RNGTT: variants seen among roughly 807,000 people sequenced by gnomAD.
RNGTT encodes the protein RNA guanylyltransferase and 5'-phosphatase.
RNGTT carries 33 observed loss-of-function variants against 79.3 expected under a neutral mutation model. That is an observed-to-expected ratio of 0.42 (90% CI 0.32 to 0.56). The LOEUF (loss-of-function observed/expected upper bound fraction) is 0.56. Among genes scored for constraint, RNGTT ranks in the 20% least tolerant of loss-of-function variants. The pLI, the probability that RNGTT is intolerant of heterozygous loss-of-function variation, is 0.17. For missense variants in RNGTT, 497 were observed against 739.1 expected (o/e 0.67, Z 3.80); for synonymous variants, 222 against 235.9 (o/e 0.94, Z 0.54).
chr6:88,714,987 A>C, intron 13 of RNGTT, among the ~76,000 whole-genome samples: 1 of 152,196 alleles, frequency 6.6e-6, no homozygotes, highest in Non-Finnish European at 1.5e-5. Context: ...GGAGAAGGAA[A>C]TAAAGGGTAT....
intron 13 of RNGTT, among the ~76,000 whole-genome samples, chr6:88,764,240 T>C (rs531617551): frequency 6.6e-6 from 1 of 152,368 alleles, no homozygotes; most frequent in African/African-American, 2.4e-5. Flanking sequence ...TAACAGACAA[T>C]TCTTCAACTA....
intron 11 of RNGTT, among the ~76,000 whole-genome samples, chr6:88,837,394 C>A (rs941409750): frequency 6.6e-6 from 1 of 152,048 alleles, no homozygotes; most frequent in African/African-American, 2.4e-5. Flanking sequence ...AAGGCCCTGT[C>A]TTAAAACAAC....
chr6:88,680,760 C>G (rs1045660311), intron 13 of RNGTT, among the ~76,000 whole-genome samples: 5 of 145,440 alleles, frequency 3.4e-5, no homozygotes, highest in Non-Finnish European at 7.5e-5. Flanking sequence ...AAAAAAAAAG[C>G]CTACAAAGTA....
chr6:88,704,259 CAAAAAAAAAAAA>C (rs35623392), intron 13 of RNGTT, among the ~76,000 whole-genome samples: 19 of 48,732 alleles, frequency 3.9e-4, no homozygotes, highest in East Asian at 1.2e-3. Context: ...GACTCTGTCT[CAAAAAAAAAAAA>C]AAAAAAAAAA....
At chr6:88,923,347 T>C (rs1784220446) in intron 4 of RNGTT, among the ~76,000 whole-genome samples, 1 of 152,204 alleles carries the variant, frequency 6.6e-6, no homozygotes, top group South Asian at 2.1e-4. Context: ...TTCCTTAAAA[T>C]AAGTTCGTAG....
intron 13 of RNGTT, among the ~76,000 whole-genome samples, chr6:88,742,028 G>C (rs1023301754): frequency 6.6e-6 from 1 of 152,140 alleles, no homozygotes; most frequent in Non-Finnish European, 1.5e-5. Context: ...TTCATTAACT[G>C]ATGTTAAAAA....
In RNGTT at chr6:88,631,667, T is replaced by G. The variant is rs183074623; in HGVS notation, c.1507-17272A>C. 2.4e-3 allele frequency among the ~76,000 whole-genome samples: 366 copies of G among 152,212 alleles called. 4 individuals carry two copies. The highest frequency in any genetic ancestry group is 0.01 in the Middle Eastern group (3 of 294). ...TCTACATTTTTTTTTTAAGGCCCTATGATGCAGGTACCATCCCATGTGTTT... is the reference window on the plus strand; with the variant it reads ...TCTACATTTTTTTTTTAAGGCCCTAGGATGCAGGTACCATCCCATGTGTTT... On this transcript the variant is annotated intron_variant, in intron 14 of 15. Transcript: ENST00000369485.
chr6:88,646,714 A>G (rs113509482), intron 14 of RNGTT, among the ~76,000 whole-genome samples: 1,913 of 152,202 alleles, frequency 0.013, 45 homozygotes, highest in African/African-American at 0.044. Flanking sequence ...GAAGCTGGAA[A>G]CCATCATTCT....
chr6:88,941,332 A>G, intron 1 of RNGTT, 152 bp from the exon 2 acceptor site: 1 of 559,728 alleles, frequency 1.8e-6, no homozygotes, highest in Non-Finnish European at 3.1e-6. Context: ...CAGTGGTGCA[A>G]TCTCAGCTCA....
intron 2 of RNGTT, among the ~76,000 whole-genome samples, chr6:88,932,807 C>A (rs1010539750): frequency 2.0e-5 from 3 of 152,048 alleles, no homozygotes; most frequent in African/African-American, 7.2e-5. Context: ...AATCAGCCAG[C>A]AAGATAGTCT....
At chr6:88,647,032 A>G (rs963572678) in intron 14 of RNGTT, among the ~76,000 whole-genome samples, 4 of 143,038 alleles carry the variant, frequency 2.8e-5, no homozygotes, top group Admixed American at 2.7e-4. Context: ...AAAAATATAT[A>G]TATGAAAATA....
chr6:88,858,199 A>G (rs1335875359), intron 8 of RNGTT, among the ~76,000 whole-genome samples: 1 of 152,130 alleles, frequency 6.6e-6, no homozygotes, highest in Non-Finnish European at 1.5e-5. Flanking sequence ...AGCCCCTATC[A>G]AACTTATTAT....
At chr6:88,799,520 G>C (rs952148675) in intron 12 of RNGTT, among the ~76,000 whole-genome samples, 1 of 151,898 alleles carries the variant, frequency 6.6e-6, no homozygotes, top group African/African-American at 2.4e-5. Flanking sequence ...CTAACATGGT[G>C]AAACTCCGTT....
chr6:88,925,219 G>A (rs902433453), intron 4 of RNGTT, among the ~76,000 whole-genome samples: 2 of 152,030 alleles, frequency 1.3e-5, no homozygotes, highest in South Asian at 2.1e-4. Context: ...GACCATGGGC[G>A]AAGTACTTAA....
chr6:88,863,644 C>T (rs2127915304), intron 8 of RNGTT, among the ~76,000 whole-genome samples: 1 of 152,212 alleles, frequency 6.6e-6, no homozygotes, highest in African/African-American at 2.4e-5. Context: ...ATTTAAAAAG[C>T]AACACTATGA....
intron 8 of RNGTT, among the ~76,000 whole-genome samples, chr6:88,887,882 A>G (rs1257609983): frequency 1.3e-5 from 2 of 152,208 alleles, no homozygotes; most frequent in Admixed American, 1.3e-4. Context: ...TTGGGAAGCC[A>G]AGGCAGGAGG....
chr6:88,691,304 T>C (rs1400610285), intron 13 of RNGTT, among the ~76,000 whole-genome samples: 3 of 152,208 alleles, frequency 2.0e-5, no homozygotes, highest in Admixed American at 6.5e-5. Flanking sequence ...GATTGTAAGT[T>C]TTCTGAGCCC....
intron 14 of RNGTT, among the ~76,000 whole-genome samples, chr6:88,674,826 G>A (rs1349010987): frequency 2.0e-5 from 3 of 152,186 alleles, no homozygotes; most frequent in African/African-American, 7.2e-5. Context: ...GCCAGGTGCA[G>A]TGGCTCATGC....
At position 88,909,237 on chromosome 6, in the gene RNGTT, C is replaced by T. The variant is rs1327288944; in HGVS notation, c.368-2797G>A. Among the ~76,000 whole-genome samples, 5 of 152,290 alleles carry T rather than the reference C, an allele frequency of 3.3e-5. No homozygotes were observed. In the East Asian group the frequency reaches 9.6e-4, roughly 29 times the overall value. Reference sequence around the variant, plus strand: ...GCAGGGCTTTTGAGACAAGCCTGGCCAGTCTGGTTGCGCCTGCTCCTGAGA... The same window carrying T: ...GCAGGGCTTTTGAGACAAGCCTGGCTAGTCTGGTTGCGCCTGCTCCTGAGA... On this transcript the variant is annotated intron_variant, in intron 4 of 15. Coordinates refer to ENST00000369485, the MANE Select transcript of RNGTT (RefSeq NM_003800.5).
Sources: allele counts gnomAD v4.1 joint callset (sites outside exome capture counted in the v4.1 genomes callset), GRCh38; gene constraint gnomAD v4.1.1; transcripts MANE v1.5; gene names NCBI Gene and HGNC (gene_info 2026-07-23, HGNC 2026-07-21).